NFAM1: variants seen among roughly 807,000 people sequenced by gnomAD.
NFAM1 encodes the protein NFAT activating protein with ITAM motif 1.
NFAM1 carries 17 observed loss-of-function variants against 29.0 expected under a neutral mutation model. That is an observed-to-expected ratio of 0.59 (90% CI 0.40 to 0.88). NFAM1 has a LOEUF of 0.88. NFAM1 is among the 40% of genes least tolerant of loss of function. The pLI is 0.00. For synonymous variants in NFAM1, 175 were observed against 147.2 expected, an observed-to-expected ratio of 1.19 and a Z score of -1.36; for missense variants, 324 against 344.6, an observed-to-expected ratio of 0.94 and a Z score of 0.47.
At chr22:42,386,712 A>G (rs1321791015) in intron 5 of NFAM1, among the ~76,000 whole-genome samples, 1 of 152,150 alleles carries the variant, frequency 6.6e-6, no homozygotes, top group African/African-American at 2.4e-5. Flanking sequence ...CTGAACATCT[A>G]TGAGGTGGGT....
chr22:42,410,365 T>C (rs1384512594), intron 2 of NFAM1: 2 of 347,140 alleles, frequency 5.8e-6, no homozygotes, highest in Admixed American at 3.4e-5. Flanking sequence ...CCTTTGAGAA[T>C]GTGATGAAAA....
intron 2 of NFAM1, among the ~76,000 whole-genome samples, chr22:42,411,020 T>C (rs1930066642): frequency 2.7e-5 from 1 of 37,304 alleles, no homozygotes; most frequent in Admixed American, 2.0e-4. Flanking sequence ...TTTTCTTTTC[T>C]TTTTTTTTTT....
In NFAM1 at chr22:42,419,697, G is replaced by A. The variant is rs550805946; in HGVS notation, c.122-7961C>T. On this transcript the variant is annotated intron_variant, in intron 1 of 5. Coordinates refer to ENST00000329021, the MANE Select transcript of NFAM1 (RefSeq NM_145912.8). The surrounding 1 kb of genome is among the most constrained non-coding windows in gnomAD (Gnocchi z 4.5). ...TTCGCCCGTGCTGTTCCGGCTGTGC[G>A]GAATGTCCTACCCATTCCTTCCTCT... 2.6e-5 allele frequency among the ~76,000 whole-genome samples: 4 copies of A among 152,290 alleles called. No homozygotes were observed. The highest frequency in any genetic ancestry group is 4.8e-5 in the African/African-American group (2 of 41,558).
chr22:42,397,656 G>A (rs978248770), intron 4 of NFAM1, among the ~76,000 whole-genome samples: 1 of 152,216 alleles, frequency 6.6e-6, no homozygotes, highest in East Asian at 1.9e-4. Context: ...TGCCTTCCAG[G>A]AGCCCTGCAC....
Position 42,385,296 on chromosome 22 carries a change from T to A in NFAM1, c.754-76A>T, listed in dbSNP as rs111532012. ...CATTAAGAATGAACTTGCACTAATT[T>A]AGTTTTAGCCAGAGGGCAACAGATC... is the stretch of plus-strand genomic sequence containing the variant. On this transcript the variant is annotated intron_variant, in intron 5 of 5. Transcript: ENST00000329021. The A allele has an allele frequency of 2.0e-3, 2,178 of 1,099,532 alleles. 7 individuals carry two copies. Among genetic ancestry groups the A allele is most frequent in the Middle Eastern group, 0.012 (63 of 5,054 alleles). 68.1% of individuals were successfully genotyped at this position (1,099,532 alleles called of 1,614,324 possible).
chr22:42,402,622 T>C (rs1004770659), intron 3 of NFAM1, among the ~76,000 whole-genome samples: 2 of 151,572 alleles, frequency 1.3e-5, no homozygotes, highest in African/African-American at 2.4e-5. Context: ...GGAGGCCTGC[T>C]GTGCCCAATG....
chr22:42,393,512 G>A (rs1421420989), intron 4 of NFAM1, among the ~76,000 whole-genome samples: 1 of 151,408 alleles, frequency 6.6e-6, no homozygotes, highest in African/African-American at 2.4e-5. Flanking sequence ...AGGTTCAAGC[G>A]ATTCTCCTGC....
At chr22:42,428,598 G>A (rs952299965) in intron 1 of NFAM1, among the ~76,000 whole-genome samples, 3 of 152,082 alleles carry the variant, frequency 2.0e-5, no homozygotes, top group South Asian at 4.1e-4. Context: ...CACACCACCT[G>A]GATCCAGAAC....
At chr22:42,437,481 A>G in the NFAM1 span, among the ~76,000 whole-genome samples, 3 of 152,104 alleles carry the variant, frequency 2.0e-5, no homozygotes, top group African/African-American at 7.2e-5. Flanking sequence ...CCATGTGCCA[A>G]GGTTCTGGGA....
intron 4 of NFAM1, among the ~76,000 whole-genome samples, chr22:42,396,129 T>A (rs1929517391): frequency 1.3e-5 from 2 of 152,220 alleles, no homozygotes; most frequent in Admixed American, 1.3e-4. Flanking sequence ...TTGGCAAAGT[T>A]CTATGACCTC....
chr22:42,427,069 G>T (rs186673408), intron 1 of NFAM1, among the ~76,000 whole-genome samples: 1 of 152,144 alleles, frequency 6.6e-6, no homozygotes, highest in East Asian at 1.9e-4. Flanking sequence ...CTTACCAGGA[G>T]CCCAGGCGCC....
rs370789537 is a variant in NFAM1 at position 42,409,390 on chromosome 22, G to A, written c.564+45C>T. On this transcript the variant is annotated intron_variant, in intron 3 of 5. Transcript: ENST00000329021. The surrounding 1 kb of genome is among the most constrained non-coding windows in gnomAD (Gnocchi z 4.9). ...AGAGGGCAGGCGGGCAGCCGGTGGC[G>A]TGTCGGGTGGAGGGGCTGCATGGCT... 24 of 1,084,046 alleles carry A rather than the reference G, an allele frequency of 2.2e-5. No homozygotes were observed. Among genetic ancestry groups the A allele is most frequent in the Admixed American group, 8.1e-5 (3 of 37,184 alleles). The allele number at this position is 1,084,046 out of a possible 1,614,324, so 67.2% of individuals were successfully genotyped here. A position where few individuals can be genotyped will look rare whatever the true frequency, so the allele number is the denominator to read the frequency against.
intron 1 of NFAM1, among the ~76,000 whole-genome samples, chr22:42,425,271 TC>T (rs34622418): frequency 0.19 from 28,145 of 152,006 alleles, 2,811 homozygotes; most frequent in South Asian, 0.3. Context: ...AATTCCAGTC[TC>T]CCTCAGCCTT....
intron 1 of NFAM1, among the ~76,000 whole-genome samples, chr22:42,422,288 AG>A (rs1306507894): frequency 1.4e-4 from 22 of 152,296 alleles, no homozygotes; most frequent in African/African-American, 5.1e-4. Context: ...GTGTCTTTAC[AG>A]CAGTTGCCTC....
intron 1 of NFAM1, among the ~76,000 whole-genome samples, chr22:42,417,639 T>C (rs1311955642): frequency 2.0e-5 from 3 of 152,078 alleles, no homozygotes; most frequent in African/African-American, 7.2e-5. Flanking sequence ...GAGGAGGGGC[T>C]GGTGAGGACC....
intron 1 of NFAM1, among the ~76,000 whole-genome samples, chr22:42,427,870 T>TG (rs1400942808): frequency 1.3e-5 from 2 of 152,048 alleles, no homozygotes; most frequent in East Asian, 1.9e-4. Flanking sequence ...CAAGCTGGGA[T>TG]GGGGGTACCT....
At chr22:42,398,505 C>A (rs1012674271) in intron 3 of NFAM1, among the ~76,000 whole-genome samples, 1 of 151,618 alleles carries the variant, frequency 6.6e-6, no homozygotes, top group African/African-American at 2.4e-5. Context: ...CTCTGCCTCC[C>A]GGGTTCAAGC....
chr22:42,431,576 C>T (rs570194088), intron 1 of NFAM1, among the ~76,000 whole-genome samples: 1 of 152,296 alleles, frequency 6.6e-6, no homozygotes, highest in South Asian at 2.1e-4. Flanking sequence ...ACCTACCCCA[C>T]AGCTTGGCTC....
chr22:42,387,375 G>A (rs1338382995), intron 4 of NFAM1, among the ~76,000 whole-genome samples: 1 of 152,082 alleles, frequency 6.6e-6, no homozygotes, highest in East Asian at 1.9e-4. Flanking sequence ...TGGCTGGCAA[G>A]AGAAAGGGCC....
Sources: allele counts gnomAD v4.1 joint callset (sites outside exome capture counted in the v4.1 genomes callset), GRCh38; gene constraint gnomAD v4.1.1; non-coding constraint Gnocchi (gnomAD v3.1); transcripts MANE v1.5; gene names NCBI Gene and HGNC (gene_info 2026-07-23, HGNC 2026-07-21).